Variants in HCRTR2 observed in about 807,000 individuals in gnomAD.
HCRTR2 encodes the protein orexin receptor type 2.
A neutral mutation model predicts 49.0 loss-of-function variants in HCRTR2; 22 were observed. The ratio of observed to expected loss-of-function variants is 0.45; its 90% CI spans 0.32 to 0.64. The LOEUF is 0.64. HCRTR2 is among the 30% of genes least tolerant of loss of function. HCRTR2 has a pLI of 0.04. For synonymous variants in HCRTR2, 236 were observed against 205.3 expected, an observed-to-expected ratio of 1.15 and a Z score of -1.28; for missense variants, 491 against 559.4, an observed-to-expected ratio of 0.88 and a Z score of 1.23.
At chr6:55,122,957 G>A (rs1293983410) in intron 1 of HCRTR2, among the ~76,000 whole-genome samples, 7 of 128,150 alleles carry the variant, frequency 5.5e-5, no homozygotes, top group African/African-American at 2.0e-4. Flanking sequence ...TCACACACTG[G>A]GGCCTGTTGT....
chr6:55,274,634 G>A (rs1226023954), intron 4 of HCRTR2, among the ~76,000 whole-genome samples: 5 of 151,858 alleles, frequency 3.3e-5, no homozygotes, highest in Non-Finnish European at 7.4e-5. Flanking sequence ...GAGTACGAGT[G>A]GTGAGAGAAG....
chr6:55,134,357 C>G (rs1405381148), intron 1 of HCRTR2, among the ~76,000 whole-genome samples: 5 of 151,482 alleles, frequency 3.3e-5, no homozygotes, highest in African/African-American at 1.2e-4. Context: ...ATATAATTGG[C>G]AAAAAATTTA....
chr6:55,260,800 G>A (rs1025263849), intron 3 of HCRTR2, among the ~76,000 whole-genome samples: 1 of 152,092 alleles, frequency 6.6e-6, no homozygotes, highest in Non-Finnish European at 1.5e-5. Context: ...ATGCATGATT[G>A]CTCAATAAAT....
chr6:55,119,537 A>T (rs1427878935), intron 1 of HCRTR2, among the ~76,000 whole-genome samples: 1 of 151,888 alleles, frequency 6.6e-6, no homozygotes, highest in Non-Finnish European at 1.5e-5. Flanking sequence ...GACAAGTGAT[A>T]ATGAGCATTT....
At chr6:55,260,618 A>G (rs1393478445) in intron 3 of HCRTR2, among the ~76,000 whole-genome samples, 3 of 152,120 alleles carry the variant, frequency 2.0e-5, no homozygotes, top group Non-Finnish European at 4.4e-5. Flanking sequence ...GACCCTGCTG[A>G]AGACTGCAGC....
intron 1 of HCRTR2, among the ~76,000 whole-genome samples, chr6:55,222,858 G>A (rs960727849): frequency 6.6e-6 from 1 of 152,098 alleles, no homozygotes; most frequent in Non-Finnish European, 1.5e-5. Context: ...AAGATCTGAT[G>A]TACAATAATA....
intron 1 of HCRTR2, among the ~76,000 whole-genome samples, chr6:55,201,008 G>T (rs3134699): frequency 0.27 from 40,624 of 151,582 alleles, 5,866 homozygotes; most frequent in African/African-American, 0.36. Flanking sequence ...GAATCATATC[G>T]CCTCTGCTTG....
chr6:55,224,640 G>A (rs532957414), intron 1 of HCRTR2, among the ~76,000 whole-genome samples: 4 of 142,058 alleles, frequency 2.8e-5, no homozygotes, highest in East Asian at 2.0e-4. Flanking sequence ...AAAAAAAAAA[G>A]GAAAGAAAAC....
intron 1 of HCRTR2, among the ~76,000 whole-genome samples, chr6:55,224,548 G>A (rs548601163): frequency 4.4e-4 from 67 of 152,126 alleles, no homozygotes; most frequent in Non-Finnish European, 6.6e-4. Flanking sequence ...GCGTGAACCC[G>A]GGAGGCGGAG....
At position 55,189,817 on chromosome 6, in the gene HCRTR2, GAA is replaced by G. The variant is rs556938731; in HGVS notation, c.223+15011_223+15012del. ...AAATAAAATTAAATTATTAAAAAAAGAAAAAGACAGTGCTTGTCTTATTCGTT... is the reference window on the plus strand; with the variant it reads ...AAATAAAATTAAATTATTAAAAAAAGAAAGACAGTGCTTGTCTTATTCGTT... On this transcript the variant is annotated intron_variant, in intron 1 of 6. Transcript: ENST00000370862. 3.1e-3 allele frequency among the ~76,000 whole-genome samples: 478 copies of G among 152,224 alleles called. 1 individual carries two copies. The highest frequency in any genetic ancestry group is 0.011 in the African/African-American group (459 of 41,542).
chr6:55,193,573 C>T lies in HCRTR2; in HGVS notation c.223+18763C>T, dbSNP rs140802288. Among the ~76,000 whole-genome samples the T allele has an allele frequency of 4.1e-3, 616 of 149,724 alleles. 7 individuals are homozygous for T. The highest frequency in any genetic ancestry group is 0.014 in the African/African-American group (570 of 40,696). ...TTTCCTCTCATTCCAAGCATCAAACCTTGGGATTTATTTACCTTCTAGCAA... is the reference window on the plus strand; with the variant it reads ...TTTCCTCTCATTCCAAGCATCAAACTTTGGGATTTATTTACCTTCTAGCAA... On this transcript the variant is annotated intron_variant, in intron 1 of 6. Transcript: ENST00000370862.
chr6:55,131,411 T>C (rs1167796347), intron 1 of HCRTR2, among the ~76,000 whole-genome samples: 1 of 151,836 alleles, frequency 6.6e-6, no homozygotes, highest in Non-Finnish European at 1.5e-5. Flanking sequence ...TGATTTAATT[T>C]GTTTGAACTT....
chr6:55,217,116 AG>A (rs1388622130), intron 1 of HCRTR2, among the ~76,000 whole-genome samples: 1 of 152,188 alleles, frequency 6.6e-6, no homozygotes, highest in Admixed American at 6.6e-5. Context: ...AGTCCTGAGC[AG>A]CCCTGGGCAG....
chr6:55,129,812 C>A (rs1278143437), intron 1 of HCRTR2, among the ~76,000 whole-genome samples: 5 of 151,948 alleles, frequency 3.3e-5, no homozygotes, highest in Non-Finnish European at 7.4e-5. Flanking sequence ...CAATATTCTT[C>A]AATCATTTCA....
intron 1 of HCRTR2, among the ~76,000 whole-genome samples, chr6:55,124,357 T>A (rs2127240329): frequency 6.6e-6 from 1 of 152,340 alleles, no homozygotes; most frequent in Middle Eastern, 3.4e-3. Flanking sequence ...TATTTCTGCC[T>A]TCACTTTGTT....
intron 1 of HCRTR2, among the ~76,000 whole-genome samples, chr6:55,127,476 A>T (rs1282956708): frequency 6.6e-6 from 1 of 152,112 alleles, no homozygotes; most frequent in East Asian, 1.9e-4. Context: ...TCTGCGTTGG[A>T]CTTGCTGGGA....
At chr6:55,275,733 C>A (rs908854514) in intron 4 of HCRTR2, among the ~76,000 whole-genome samples, 8 of 151,864 alleles carry the variant, frequency 5.3e-5, no homozygotes, top group Non-Finnish European at 8.8e-5. Context: ...GCCTCAGCCT[C>A]CTGAGTAGCT....
At chr6:55,133,671 A>G (rs1764392068) in intron 1 of HCRTR2, among the ~76,000 whole-genome samples, 2 of 94,768 alleles carry the variant, frequency 2.1e-5, no homozygotes, top group African/African-American at 5.4e-5. Context: ...TCATCTATCT[A>G]TCTATCTATC....
At chr6:55,177,444 C>T (rs9296776) in intron 1 of HCRTR2, among the ~76,000 whole-genome samples, 67,300 of 151,946 alleles carry the variant, frequency 0.44, 15,105 homozygotes, top group East Asian at 0.53. Flanking sequence ...AGAATTGCTT[C>T]TTTGCCCCTC....
Sources: gnomAD v4.1 joint callset for allele counts (sites outside exome capture counted in the v4.1 genomes callset) on GRCh38, gnomAD v4.1.1 for gene constraint, MANE v1.5 for transcripts, NCBI Gene and HGNC (gene_info 2026-07-23, HGNC 2026-07-21) for gene names.